Variants in CEP85L observed in about 807,000 individuals in gnomAD.
The protein encoded by CEP85L is centrosomal protein 85L, also known as centrosomal protein of 85 kDa-like.
CEP85L carries 60 observed loss-of-function variants against 100.3 expected under a neutral mutation model. The observed-to-expected ratio is 0.60, with a 90% CI of 0.49 to 0.74. CEP85L has a LOEUF of 0.74. Ranked by LOEUF, CEP85L falls within the 30% of genes least tolerant of loss-of-function variation. CEP85L has a pLI of 0.00. For synonymous variants in CEP85L, 319 were observed against 322.7 expected, an observed-to-expected ratio of 0.99 and a Z score of 0.12; for missense variants, 973 against 936.2, an observed-to-expected ratio of 1.04 and a Z score of -0.51.
intron 1 of CEP85L, among the ~76,000 whole-genome samples, chr6:118,698,935 T>C (rs1777305994): frequency 6.6e-6 from 1 of 152,164 alleles, no homozygotes. Flanking sequence ...CTCTATTCTA[T>C]AGGTCAGAGG....
At chr6:118,542,228 C>T (rs1255758028) in intron 3 of CEP85L, among the ~76,000 whole-genome samples, 2 of 152,090 alleles carry the variant, frequency 1.3e-5, no homozygotes, top group Non-Finnish European at 1.5e-5. Flanking sequence ...ATAAACAGCA[C>T]ACAAAAATGC....
chr6:118,565,265 T>G, intron 3 of CEP85L: 1 of 456,506 alleles, frequency 2.2e-6, no homozygotes, highest in South Asian at 3.0e-5. Context: ...GAGTATGTTT[T>G]GCTTTATTTT....
rs1772247761 is a variant in CEP85L, at chr6:118,461,803, T to C, written c.*3602A>G. ...AACATGGCAGTTTCAAATGATATAG[T>C]CTGAGTGAGCATGGTTATGAAAATT... On this transcript the variant is annotated 3_prime_UTR_variant, in exon 13 of 13. Transcript: ENST00000368491. 6.6e-6 allele frequency: 1 copy of C among 152,018 alleles called. No individual in the cohort carries two copies. The highest frequency in any genetic ancestry group is 2.4e-5 in the African/African-American group (1 of 41,420). The allele number at this position is 152,018 out of a possible 1,614,324, so 9.4% of individuals were successfully genotyped here.
chr6:118,559,174 A>G, intron 3 of CEP85L: 1 of 907,000 alleles, frequency 1.1e-6, no homozygotes, highest in East Asian at 2.4e-5. Flanking sequence ...ATAACAGACC[A>G]CTTCCTGAGT....
At chr6:118,532,733 T>C (rs1170956315) in intron 3 of CEP85L, among the ~76,000 whole-genome samples, 4 of 152,142 alleles carry the variant, frequency 2.6e-5, no homozygotes, top group Non-Finnish European at 5.9e-5. Flanking sequence ...TTTTGGATGG[T>C]TTCTACCTAA....
At chr6:118,615,964 C>T (rs191392566) in intron 2 of CEP85L, among the ~76,000 whole-genome samples, 1 of 152,118 alleles carries the variant, frequency 6.6e-6, no homozygotes, top group Non-Finnish European at 1.5e-5. Context: ...TTAGCTGTAA[C>T]AAACCATAGC....
At chr6:118,489,134 G>C (rs933177839) in intron 6 of CEP85L, among the ~76,000 whole-genome samples, 3 of 152,000 alleles carry the variant, frequency 2.0e-5, no homozygotes, top group Admixed American at 6.6e-5. Context: ...GGGCATGGTG[G>C]CACGTGCCTG....
chr6:118,705,391 G>T (rs1777563508), intron 1 of CEP85L, among the ~76,000 whole-genome samples: 1 of 152,218 alleles, frequency 6.6e-6, no homozygotes, highest in Admixed American at 6.5e-5. Context: ...GGGAGGAAGA[G>T]ATATAATTTC....
chr6:118,636,593 C>T (rs138841176), intron 1 of CEP85L, among the ~76,000 whole-genome samples: 4 of 143,694 alleles, frequency 2.8e-5, no homozygotes, highest in African/African-American at 6.0e-5. Flanking sequence ...TCAGATTGGT[C>T]GACTGGATAA....
At chr6:118,521,274 A>G (rs963296319) in intron 4 of CEP85L, among the ~76,000 whole-genome samples, 1 of 152,206 alleles carries the variant, frequency 6.6e-6, no homozygotes, top group Non-Finnish European at 1.5e-5. Context: ...CAAAAACAGA[A>G]ATGTTATATA....
intron 2 of CEP85L, among the ~76,000 whole-genome samples, chr6:118,574,714 A>C (rs180840581): frequency 2.2e-3 from 328 of 152,346 alleles, no homozygotes; most frequent in African/African-American, 7.6e-3. Flanking sequence ...CTCTGTGCAC[A>C]GACCAAAGTA....
chr6:118,657,948 T>C (rs1185545256), intron 1 of CEP85L, among the ~76,000 whole-genome samples: 1 of 152,224 alleles, frequency 6.6e-6, no homozygotes, highest in Non-Finnish European at 1.5e-5. Flanking sequence ...TTCAATTCAA[T>C]ATACTCTGTT....
intron 3 of CEP85L, among the ~76,000 whole-genome samples, chr6:118,532,289 G>A (rs1030542126): frequency 6.6e-6 from 1 of 152,086 alleles, no homozygotes; most frequent in Non-Finnish European, 1.5e-5. Context: ...TCACTTAAAA[G>A]TGGGAGCTAA....
At chr6:118,482,750 C>T (rs9401073) in intron 7 of CEP85L, among the ~76,000 whole-genome samples, 32,857 of 152,132 alleles carry the variant, frequency 0.22, 4,675 homozygotes, top group East Asian at 0.61. Context: ...ACCCATTGCC[C>T]TCTGTTCCTG....
At chr6:118,567,243 GTGTGTGTATATATATA>G (rs1406778024) in intron 2 of CEP85L, among the ~76,000 whole-genome samples, 28 of 31,360 alleles carry the variant, frequency 8.9e-4, no homozygotes, top group African/African-American at 3.7e-3. Flanking sequence ...GTGTGTGTGT[GTGTGTGTATATATATA>G]TATATATATA....
At chr6:118,579,683 G>A (rs9489447) in intron 2 of CEP85L, among the ~76,000 whole-genome samples, 24,969 of 152,224 alleles carry the variant, frequency 0.16, 2,177 homozygotes, top group Non-Finnish European at 0.19. Context: ...GCACTGTTTG[G>A]AGAGATATGG....
chr6:118,666,484 C>T (rs1776137581), intron 1 of CEP85L, among the ~76,000 whole-genome samples: 1 of 152,144 alleles, frequency 6.6e-6, no homozygotes, highest in African/African-American at 2.4e-5. Flanking sequence ...AGAGTCAATA[C>T]CTATTGAATG....
chr6:118,572,185 G>T (rs1357389580), intron 2 of CEP85L, among the ~76,000 whole-genome samples: 1 of 142,580 alleles, frequency 7.0e-6, no homozygotes, highest in Non-Finnish European at 1.5e-5. Context: ...AACACAATGA[G>T]TTTTTTTTCC....
upstream of CEP85L, among the ~76,000 whole-genome samples, chr6:118,655,834 T>C (rs1446236717): frequency 6.6e-6 from 1 of 152,190 alleles, no homozygotes; most frequent in Non-Finnish European, 1.5e-5. Flanking sequence ...ACTAAACCAG[T>C]TACCTATTTT....
Sources: allele counts gnomAD v4.1 joint callset (sites outside exome capture counted in the v4.1 genomes callset), GRCh38; gene constraint gnomAD v4.1.1; transcripts MANE v1.5; gene names NCBI Gene and HGNC (gene_info 2026-07-23, HGNC 2026-07-21).